LRP4: variants seen among roughly 807,000 people sequenced by gnomAD.
LRP4 encodes the protein LDL receptor related protein 4.
Under a neutral mutation model 220.3 loss-of-function variants are expected in LRP4, and 95 were observed. That is an observed-to-expected ratio of 0.43 (90% CI 0.37 to 0.51). The LOEUF (loss-of-function observed/expected upper bound fraction) is 0.51, where lower values mean the gene tolerates loss of function less well. LRP4 is among the 20% of genes least tolerant of loss of function. LRP4 has a pLI of 0.00. For synonymous variants in LRP4, 903 were observed against 954.6 expected (o/e 0.95, Z 1.00); for missense variants, 1,925 against 2,567.0 (o/e 0.75, Z 5.40).
In LRP4 at chr11:46,878,976, G is replaced by T. The variant is rs201695857; in HGVS notation, c.3067C>A (p.Pro1023Thr). The part of the protein sequence containing the change: ...CSHLCLRSPN[P>T]SGFSCTCPTG... ...GGGCAGGTACAGCTGAATCCGCTTGGATTTGGGGACCTAAGACACAGGTGG... is the reference window on the plus strand; with the variant it reads ...GGGCAGGTACAGCTGAATCCGCTTGTATTTGGGGACCTAAGACACAGGTGG... Residue 1023 changes from proline (P) to threonine (T), a missense_variant, in exon 22 of 38, where the codon CCA becomes ACA. Around this residue, in one of 3 missense-constraint regions of LRP4, gnomAD observed 1,244 missense variants for 1,624.9 expected, o/e 0.77. Transcript: ENST00000378623. 6 of 1,614,242 alleles carry T rather than the reference G, an allele frequency of 3.7e-6. No individual in the cohort carries two copies. Among genetic ancestry groups the T allele is most frequent in the Non-Finnish European group, 5.1e-6 (6 of 1,180,048 alleles).
chr11:46,899,429 C>T lies in LRP4; in HGVS notation c.505G>A (p.Gly169Ser), dbSNP rs201585639. The T allele has an allele frequency of 5.3e-5, 85 of 1,614,162 alleles. 1 individual carries two copies. The African/African-American group carries it at 7.2e-4, about 14-fold the overall frequency. Reference sequence around the variant, plus strand: ...GAGCCATCTTTGCAGTCGGTGTCACCGTCGCAGTACCAATGCTCAGCAATG... The same window carrying T: ...GAGCCATCTTTGCAGTCGGTGTCACTGTCGCAGTACCAATGCTCAGCAATG... ...SCIAEHWYCD[G>S]DTDCKDGSDE... The change falls in exon 5 of 38, where the codon GGT becomes AGT. Residue 169 changes from glycine (G) to serine (S), a missense_variant. By Grantham distance (56) the Gly-to-Ser change is moderately conservative (BLOSUM62 0). Around this residue, in one of 3 missense-constraint regions of LRP4, gnomAD observed 412 missense variants for 505.4 expected, o/e 0.82. Coordinates refer to ENST00000378623, the MANE Select transcript of LRP4 (RefSeq NM_002334.4). This position sits in a 1 kb window ranked among gnomAD's most constrained non-coding sequence, Gnocchi z 5.9.
intron 16 of LRP4, among the ~76,000 whole-genome samples, chr11:46,887,292 A>G (rs1236737670): frequency 6.6e-6 from 1 of 152,210 alleles, no homozygotes; most frequent in Admixed American, 6.5e-5. Flanking sequence ...AATGTTGCCA[A>G]ATGTCTTCTT....
intron 1 of LRP4, among the ~76,000 whole-genome samples, chr11:46,903,172 C>T (rs1490587871): frequency 6.6e-6 from 1 of 152,020 alleles, no homozygotes; most frequent in East Asian, 1.9e-4. Context: ...GGCTTTTTTG[C>T]ATGGCACCTC....
chr11:46,874,753 ACCAGAAGCAAAT>A, intron 28 of LRP4, 35 bp downstream of exon 28: 1 of 1,577,122 alleles, frequency 6.3e-7, no homozygotes, highest in Non-Finnish European at 8.7e-7. Flanking sequence ...CCCATGGGCG[ACCAGAAGCAAAT>A]CTGTGTCTTC....
intron 8 of LRP4, 74 bp from the exon 9 acceptor site, chr11:46,896,409 T>C (rs1391743600): frequency 1.3e-6 from 2 of 1,581,950 alleles, no homozygotes; most frequent in Non-Finnish European, 1.7e-6. Flanking sequence ...TGTCATTTTC[T>C]AGGGTAAGCT....
In LRP4 at chr11:46,875,795, G is replaced by C; in HGVS notation, c.3699+9C>G. 1.9e-6 allele frequency: 3 copies of C among 1,614,078 alleles called. No homozygotes were observed. The highest frequency in any genetic ancestry group is 2.5e-6 in the Non-Finnish European group (3 of 1,180,008). On this transcript the variant is annotated intron_variant, in intron 26 of 37. Coordinates refer to ENST00000378623, the MANE Select transcript of LRP4 (RefSeq NM_002334.4). This position sits in a 1 kb window ranked among gnomAD's most constrained non-coding sequence, Gnocchi z 4.5. ...GGCTCCTGGGAAGCAGCAGGGACACGGCTCTCACCTCGGTGTGGGCATCGG... is the reference window on the plus strand; with the variant it reads ...GGCTCCTGGGAAGCAGCAGGGACACCGCTCTCACCTCGGTGTGGGCATCGG...
rs1370824030 is a variant in LRP4, at chr11:46,883,876, C to G, written c.2607G>C (p.Met869Ile). Reference protein sequence around the residue: ...DRPRDIVVEPMGGYMYWTDWG... With the variant: ...DRPRDIVVEPIGGYMYWTDWG... Reference sequence around the variant, plus strand: ...CCCAAGGGGCAGCCACTCACCCGCCCATGGGTTCCACCACGATGTCCCGAG... The same window carrying G: ...CCCAAGGGGCAGCCACTCACCCGCCGATGGGTTCCACCACGATGTCCCGAG... Residue 869 changes from methionine (M) to isoleucine (I), a missense_variant, in exon 19 of 38, where the codon ATG becomes ATC. Around this residue, in one of 3 missense-constraint regions of LRP4, gnomAD observed 1,244 missense variants for 1,624.9 expected, o/e 0.77. Transcript: ENST00000378623. 7.4e-6 allele frequency: 12 copies of G among 1,613,828 alleles called. No homozygotes were observed. The East Asian group carries it at 2.2e-4, about 30-fold the overall frequency.
intron 7 of LRP4, among the ~76,000 whole-genome samples, chr11:46,897,362 A>ATTTTTTTTTTTTTTT (rs1941559084): frequency 1.2e-5 from 1 of 83,596 alleles, no homozygotes; most frequent in Non-Finnish European, 2.5e-5. Flanking sequence ...TTATTTTTTT[A>ATTTTTTTTTTTTTTT]TTTTTATTTT....
intron 1 of LRP4, among the ~76,000 whole-genome samples, chr11:46,913,818 G>C (rs988624761): frequency 6.6e-4 from 100 of 152,244 alleles, no homozygotes; most frequent in African/African-American, 2.1e-3. Flanking sequence ...AGTTCCCCTA[G>C]ACTGATGTTA....
rs1221065508 is a variant in LRP4 at position 46,894,655 on chromosome 11, T to C, written c.1474A>G (p.Ile492Val). 2 of 1,613,972 alleles carry C rather than the reference T, an allele frequency of 1.2e-6. No individual in the cohort carries two copies. The highest frequency in any genetic ancestry group is 1.7e-6 in the Non-Finnish European group (2 of 1,180,022). Reference sequence around the variant, plus strand: ...CTGCCGTTGAGGTTGGCACGGAGGATCCGGTCCAGGGTGACATCTGACCAG... The same window carrying C: ...CTGCCGTTGAGGTTGGCACGGAGGACCCGGTCCAGGGTGACATCTGACCAG... ...VFWSDVTLDRILRANLNGSNV... is the reference protein window; with the variant it reads ...VFWSDVTLDRVLRANLNGSNV... The change falls in exon 12 of 38, where the codon ATC becomes GTC. Residue 492 changes from isoleucine to valine, a missense_variant. Transcript: ENST00000378623.
In LRP4 at chr11:46,886,073, C is replaced by T. The variant is rs148998354; in HGVS notation, c.2506+18G>A. ...GAATCCCAGGGAGCCAGGCAGGCCA[C>T]GGCTCCCCTATGCATACCTGCATCT... is the stretch of plus-strand genomic sequence containing the variant. On this transcript the variant is annotated intron_variant, in intron 18 of 37. Transcript: ENST00000378623. 5.2e-4 allele frequency: 833 copies of T among 1,605,168 alleles called. 6 individuals carry two copies. In the African/African-American group the frequency reaches 9.5e-3, roughly 18 times the overall value.
intron 1 of LRP4, among the ~76,000 whole-genome samples, chr11:46,907,096 G>A (rs984617827): frequency 6.6e-6 from 1 of 152,184 alleles, no homozygotes; most frequent in Non-Finnish European, 1.5e-5. Context: ...GGAAAAGAAT[G>A]GTGAGTGAAG....
chr11:46,908,264 G>A (rs987868554), intron 1 of LRP4, among the ~76,000 whole-genome samples: 4 of 152,102 alleles, frequency 2.6e-5, no homozygotes, highest in South Asian at 2.1e-4. Flanking sequence ...GGTGCCCTCC[G>A]AGTACTTTTC....
rs1227383680 is a variant in LRP4, at chr11:46,857,736, CTT to C, written c.*1245_*1246del. The C allele has an allele frequency of 6.6e-6, 1 of 152,564 alleles. No individual in the cohort carries two copies. Among genetic ancestry groups the C allele is most frequent in the Non-Finnish European group, 1.5e-5 (1 of 68,038 alleles). 9.5% of individuals were successfully genotyped at this position (152,564 alleles called of 1,614,324 possible). A position where few individuals can be genotyped will look rare whatever the true frequency, so the allele number is the denominator to read the frequency against. On this transcript the variant is annotated 3_prime_UTR_variant, in exon 38 of 38. Coordinates refer to ENST00000378623, the MANE Select transcript of LRP4 (RefSeq NM_002334.4). ...CTGATACCAGGCTGAGACACGTGCC[CTT>C]TGTGTGAATGAGCATGAACCAAGTG... is the stretch of plus-strand genomic sequence containing the variant.
Position 46,858,701 on chromosome 11 carries a change from A to G in LRP4, c.*282T>C. 2.1e-6 allele frequency: 1 copy of G among 467,388 alleles called. No individual in the cohort carries two copies. The highest frequency in any genetic ancestry group is 4.0e-6 in the Non-Finnish European group (1 of 252,094). The allele number at this position is 467,388 out of a possible 1,614,324, so 29.0% of individuals were successfully genotyped here. A position where few individuals can be genotyped will look rare whatever the true frequency, so the allele number is the denominator to read the frequency against. On this transcript the variant is annotated 3_prime_UTR_variant, in exon 38 of 38. Coordinates refer to ENST00000378623, the MANE Select transcript of LRP4 (RefSeq NM_002334.4). ...GAGGTGGAGCTCTACGCTGGTGAGG[A>G]ATCACGAATAAGCAGTTTCAGGGGG...
At chr11:46,901,433 T>C (rs1157532938) in intron 2 of LRP4, among the ~76,000 whole-genome samples, 3 of 152,198 alleles carry the variant, frequency 2.0e-5, no homozygotes, top group Non-Finnish European at 2.9e-5. Context: ...TGGGGATAAT[T>C]ATACTCAGTT....
intron 1 of LRP4, among the ~76,000 whole-genome samples, chr11:46,910,182 T>C (rs1941835792): frequency 6.6e-6 from 1 of 152,162 alleles, no homozygotes; most frequent in Admixed American, 6.5e-5. Context: ...TCCTTAATGG[T>C]TAGCCTCCAA....
Position 46,868,072 on chromosome 11 carries a change from C to A in LRP4, c.4994G>T (p.Ser1665Ile). 1 of 1,614,140 alleles carries A rather than the reference C, an allele frequency of 6.2e-7. No homozygotes were observed. Among genetic ancestry groups the A allele is most frequent in the Non-Finnish European group, 8.5e-7 (1 of 1,180,030 alleles). Reference sequence around the variant, plus strand: ...GTTGGGTAGCACTGGGCTCTTTTCACTCATGCCAGTAGCCCTAGGAGCTGG... The same window carrying A: ...GTTGGGTAGCACTGGGCTCTTTTCAATCATGCCAGTAGCCCTAGGAGCTGG... ...VPPAPRATGM[S>I]EKSPVLPNTP... Residue 1665 changes from serine to isoleucine, a missense_variant, in exon 34 of 38, where the codon AGT (serine) becomes ATT (isoleucine). Around this residue, in one of 3 missense-constraint regions of LRP4, gnomAD observed 1,244 missense variants for 1,624.9 expected, o/e 0.77. Coordinates refer to ENST00000378623, the MANE Select transcript of LRP4 (RefSeq NM_002334.4).
chr11:46,890,262 A>G lies in LRP4; in HGVS notation c.1915+15T>C. ...GGAGGACAAGAGATGAAGGAGACTGAAGGAAGGGGCTCACCCTGGCTAATG... is the reference window on the plus strand; with the variant it reads ...GGAGGACAAGAGATGAAGGAGACTGGAGGAAGGGGCTCACCCTGGCTAATG... On this transcript the variant is annotated intron_variant, in intron 14 of 37. Coordinates refer to ENST00000378623, the MANE Select transcript of LRP4 (RefSeq NM_002334.4). The surrounding 1 kb of genome is among the most constrained non-coding windows in gnomAD (Gnocchi z 5.3). The G allele has an allele frequency of 6.2e-7, 1 of 1,613,748 alleles. No homozygotes were observed. The highest frequency in any genetic ancestry group is 1.1e-5 in the South Asian group (1 of 91,070).
Sources: allele counts gnomAD v4.1 joint callset (sites outside exome capture counted in the v4.1 genomes callset), GRCh38; gene constraint gnomAD v4.1.1; regional missense constraint gnomAD v4.1.1; non-coding constraint Gnocchi (gnomAD v3.1); transcripts MANE v1.5; gene names NCBI Gene and HGNC (gene_info 2026-07-23, HGNC 2026-07-21).